The following TMEM178B variants were observed in gnomAD, a reference collection of about 807,000 sequenced individuals.
TMEM178B encodes transmembrane protein 178B.
In TMEM178B, 5 loss-of-function variants were observed where a neutral mutation model predicts 31.0. The ratio of observed to expected loss-of-function variants is 0.16; its 90% CI spans 0.08 to 0.34. The LOEUF (loss-of-function observed/expected upper bound fraction) is 0.34, where lower values mean the gene tolerates loss of function less well. Among genes scored for constraint, TMEM178B ranks in the 10% least tolerant of loss-of-function variants. The pLI, the probability that TMEM178B is intolerant of heterozygous loss-of-function variation, is 1.00. For missense variants in TMEM178B, 275 were observed against 400.3 expected (o/e 0.69, Z 2.67); for synonymous variants, 164 against 164.0 (o/e 1.00, Z 0.00).
chr7:141,085,420 A>G (rs1207486249), intron 1 of TMEM178B, among the ~76,000 whole-genome samples: 1 of 152,150 alleles, frequency 6.6e-6, no homozygotes, highest in Non-Finnish European at 1.5e-5. Flanking sequence ...CAGAAGTTTG[A>G]CAGATTTGCT....
At chr7:141,177,891 A>C (rs1287979182) in intron 1 of TMEM178B, among the ~76,000 whole-genome samples, 1 of 152,136 alleles carries the variant, frequency 6.6e-6, no homozygotes, top group East Asian at 1.9e-4. Context: ...TTGCCTCTTT[A>C]TCCAATTTGC....
chr7:141,218,549 C>T (rs1312878326), intron 2 of TMEM178B, among the ~76,000 whole-genome samples: 1 of 152,164 alleles, frequency 6.6e-6, no homozygotes, highest in Admixed American at 6.5e-5. Context: ...CAGTCCTGAC[C>T]CCAGGCTGGT....
chr7:141,269,455 A>G (rs781634318), intron 2 of TMEM178B, among the ~76,000 whole-genome samples: 1 of 152,192 alleles, frequency 6.6e-6, no homozygotes, highest in Non-Finnish European at 1.5e-5. Context: ...TTAATAATGT[A>G]AAAAAGACTT....
At chr7:141,509,565 G>T in the TMEM178B span, among the ~76,000 whole-genome samples, 1 of 152,126 alleles carries the variant, frequency 6.6e-6, no homozygotes, top group African/African-American at 2.4e-5. Flanking sequence ...TAGCAGAATC[G>T]CATGAACCTG....
At chr7:141,465,562 A>G (rs865837091) in intron 3 of TMEM178B, among the ~76,000 whole-genome samples, 1 of 152,170 alleles carries the variant, frequency 6.6e-6, no homozygotes, top group Non-Finnish European at 1.5e-5. Flanking sequence ...AAAGCATATC[A>G]TTACGTAAAC....
intron 1 of TMEM178B, among the ~76,000 whole-genome samples, chr7:141,132,615 G>A (rs1173574665): frequency 1.3e-5 from 2 of 152,060 alleles, no homozygotes; most frequent in African/African-American, 4.8e-5. Flanking sequence ...TGCCACTGCT[G>A]GTGCCCACAT....
At chr7:141,229,768 A>T (rs537370238) in intron 2 of TMEM178B, among the ~76,000 whole-genome samples, 27 of 149,494 alleles carry the variant, frequency 1.8e-4, no homozygotes, top group African/African-American at 5.1e-4. Flanking sequence ...ACGAAAAATT[A>T]AAAAAAAAAT....
the TMEM178B span, among the ~76,000 whole-genome samples, chr7:141,501,906 A>G: frequency 6.6e-6 from 1 of 152,150 alleles, no homozygotes; most frequent in African/African-American, 2.4e-5. Context: ...TACTTAGCAG[A>G]GGAAAACTAG....
At chr7:141,112,400 T>A (rs532749185) in intron 1 of TMEM178B, among the ~76,000 whole-genome samples, 54 of 152,198 alleles carry the variant, frequency 3.5e-4, no homozygotes, top group Non-Finnish European at 7.1e-4. Context: ...CAACAGGTGT[T>A]AGCCACCACA....
chr7:141,318,167 C>T lies in TMEM178B; in HGVS notation c.496+105463C>T, dbSNP rs1799037921. Among the ~76,000 whole-genome samples the T allele has an allele frequency of 6.6e-6, 1 of 152,192 alleles. No individual in the cohort carries two copies. The highest frequency in any genetic ancestry group is 2.4e-5 in the African/African-American group (1 of 41,438). On this transcript the variant is annotated intron_variant, in intron 2 of 3. Coordinates refer to ENST00000565468, the MANE Select transcript of TMEM178B (RefSeq NM_001195278.2). This position sits in a 1 kb window ranked among gnomAD's most constrained non-coding sequence, Gnocchi z 4.1. ...TCCATCCATCCTTCTGTCCATCAGT[C>T]CATCCATCCATTTGTCCATTCAGTA...
intron 2 of TMEM178B, among the ~76,000 whole-genome samples, chr7:141,296,908 A>G (rs1247294672): frequency 1.3e-5 from 2 of 152,246 alleles, no homozygotes; most frequent in Non-Finnish European, 2.9e-5. Context: ...TAATTAGTCA[A>G]CATATTCATA....
At chr7:141,352,300 C>G (rs1225705658) in intron 2 of TMEM178B, 1 of 152,170 alleles carries the variant, frequency 6.6e-6, no homozygotes, top group South Asian at 2.1e-4. Flanking sequence ...TACAGACAGA[C>G]TGTGCCAAGG....
chr7:141,161,219 A>G (rs1366694221), intron 1 of TMEM178B, among the ~76,000 whole-genome samples: 2 of 152,198 alleles, frequency 1.3e-5, no homozygotes, highest in East Asian at 3.9e-4. Flanking sequence ...AATGGGACAC[A>G]GGACCTGTCT....
chr7:141,298,354 T>C lies in TMEM178B; in HGVS notation c.496+85650T>C, dbSNP rs955297000. On this transcript the variant is annotated intron_variant, in intron 2 of 3. Coordinates refer to ENST00000565468, the MANE Select transcript of TMEM178B (RefSeq NM_001195278.2). ...TTTCTTTTGCTGTGCAGAAGCTCTTTAGTTTAATTAGATCCCATTTGTCAA... is the reference window on the plus strand; with the variant it reads ...TTTCTTTTGCTGTGCAGAAGCTCTTCAGTTTAATTAGATCCCATTTGTCAA... Among the ~76,000 whole-genome samples, 5 of 152,348 alleles carry C rather than the reference T, an allele frequency of 3.3e-5. No homozygotes were observed. In the South Asian group the frequency reaches 1.0e-3, roughly 32 times the overall value.
intron 1 of TMEM178B, among the ~76,000 whole-genome samples, chr7:141,143,581 T>C (rs979531576): frequency 2.6e-5 from 4 of 152,206 alleles, no homozygotes; most frequent in Non-Finnish European, 5.9e-5. Flanking sequence ...TCTGTGTGTC[T>C]GATTTTGTAC....
intron 2 of TMEM178B, among the ~76,000 whole-genome samples, chr7:141,398,871 A>T (rs1299485566): frequency 6.6e-6 from 1 of 152,086 alleles, no homozygotes; most frequent in Non-Finnish European, 1.5e-5. Flanking sequence ...AAGGGCAGTA[A>T]CCCCACTATT....
At chr7:141,198,814 A>C (rs907895354) in intron 1 of TMEM178B, among the ~76,000 whole-genome samples, 5 of 152,174 alleles carry the variant, frequency 3.3e-5, no homozygotes, top group Non-Finnish European at 7.4e-5. Context: ...CCCTGGCTGA[A>C]ACTGTACCTG....
At chr7:141,406,498 A>G (rs1800887713) in intron 2 of TMEM178B, among the ~76,000 whole-genome samples, 1 of 152,144 alleles carries the variant, frequency 6.6e-6, no homozygotes. Flanking sequence ...GCCCCACATC[A>G]CTTGGAGAGC....
intron 2 of TMEM178B, among the ~76,000 whole-genome samples, chr7:141,329,331 C>T (rs1327150724): frequency 6.6e-6 from 1 of 152,162 alleles, no homozygotes; most frequent in African/African-American, 2.4e-5. Context: ...CCTCCTCATA[C>T]AAGACAAGAG....
Sources: gnomAD v4.1 joint callset for allele counts (sites outside exome capture counted in the v4.1 genomes callset) on GRCh38, gnomAD v4.1.1 for gene constraint, Gnocchi (gnomAD v3.1) non-coding constraint, MANE v1.5 for transcripts, NCBI Gene and HGNC (gene_info 2026-07-23, HGNC 2026-07-21) for gene names.